The following NAALADL2 variants were observed in gnomAD, a reference collection of about 807,000 sequenced individuals.
NAALADL2 encodes inactive N-acetylated-alpha-linked acidic dipeptidase-like protein 2.
In NAALADL2, 76 loss-of-function variants were observed where a neutral mutation model predicts 87.2. The observed-to-expected ratio is 0.87, with a 90% CI of 0.72 to 1.05. The LOEUF is 1.05. NAALADL2 is among the 50% of genes least tolerant of loss of function. The pLI is 0.00. For synonymous variants in NAALADL2, 354 were observed against 331.0 expected (o/e 1.07, Z -0.75); for missense variants, 1,089 against 945.8 (o/e 1.15, Z -1.99).
At chr3:175,015,937 A>G (rs1374774481) in intron 1 of NAALADL2, among the ~76,000 whole-genome samples, 4 of 151,896 alleles carry the variant, frequency 2.6e-5, no homozygotes, top group Non-Finnish European at 2.9e-5. Context: ...GTTTGTTGAC[A>G]TAAATACCTG....
intron 3 of NAALADL2, among the ~76,000 whole-genome samples, chr3:174,846,765 A>G (rs1724667234): frequency 6.6e-6 from 1 of 152,134 alleles, no homozygotes; most frequent in African/African-American, 2.4e-5. Context: ...CAGGATAAAA[A>G]ATTTTGCTGG....
chr3:174,498,991 A>G (rs577590927), intron 1 of NAALADL2, among the ~76,000 whole-genome samples: 2 of 152,146 alleles, frequency 1.3e-5, no homozygotes, highest in African/African-American at 4.8e-5. Flanking sequence ...GAGAGAGAAT[A>G]CACTCATAGA....
intron 3 of NAALADL2, among the ~76,000 whole-genome samples, chr3:175,253,410 C>G (rs1249345926): frequency 6.6e-6 from 1 of 152,132 alleles, no homozygotes; most frequent in Non-Finnish European, 1.5e-5. Flanking sequence ...AGACCTACTG[C>G]TCTGAAAAAA....
At chr3:175,526,965 T>C (rs533693373) in intron 9 of NAALADL2, among the ~76,000 whole-genome samples, 1 of 152,336 alleles carries the variant, frequency 6.6e-6, no homozygotes, top group East Asian at 1.9e-4. Flanking sequence ...TAAAGATTTG[T>C]CATTCTTTGC....
At chr3:174,892,910 A>C (rs1204434881) in intron 1 of NAALADL2, among the ~76,000 whole-genome samples, 2 of 130,832 alleles carry the variant, frequency 1.5e-5, no homozygotes, top group Non-Finnish European at 3.1e-5. Flanking sequence ...CTAGAGAGTG[A>C]GACTCCAACT....
At chr3:175,367,653 CTCTG>C (rs1327573585) in intron 5 of NAALADL2, among the ~76,000 whole-genome samples, 3 of 151,546 alleles carry the variant, frequency 2.0e-5, no homozygotes, top group South Asian at 4.2e-4. Context: ...TGATTTGGCT[CTCTG>C]TCTGTTATTG....
chr3:175,186,480 T>C (rs182228206), intron 2 of NAALADL2, among the ~76,000 whole-genome samples: 152 of 152,290 alleles, frequency 1.0e-3, no homozygotes, highest in African/African-American at 3.5e-3. Flanking sequence ...AAATGCCCTC[T>C]TTTGTTTAAA....
chr3:175,347,783 C>T (rs901437004), intron 5 of NAALADL2, among the ~76,000 whole-genome samples: 3 of 151,968 alleles, frequency 2.0e-5, no homozygotes, highest in Non-Finnish European at 4.4e-5. Flanking sequence ...ATGTGCAGAC[C>T]TTGCAGATTT....
chr3:174,587,536 G>C (rs1381645886), intron 2 of NAALADL2, among the ~76,000 whole-genome samples: 2 of 152,092 alleles, frequency 1.3e-5, no homozygotes, highest in African/African-American at 4.8e-5. Context: ...TCCATGTTTA[G>C]TGCTTCCTTC....
intron 1 of NAALADL2, among the ~76,000 whole-genome samples, chr3:174,933,932 C>A (rs1737288582): frequency 6.6e-6 from 1 of 152,130 alleles, no homozygotes; most frequent in Non-Finnish European, 1.5e-5. Context: ...CATTACACTT[C>A]TATGGTATGT....
At chr3:174,792,719 C>T (rs1453012357) in intron 3 of NAALADL2, among the ~76,000 whole-genome samples, 1 of 152,080 alleles carries the variant, frequency 6.6e-6, no homozygotes, top group Non-Finnish European at 1.5e-5. Flanking sequence ...ATACATTCTT[C>T]TTGGAAAAAA....
intron 5 of NAALADL2, among the ~76,000 whole-genome samples, chr3:175,354,368 C>G: frequency 6.6e-6 from 1 of 151,914 alleles, no homozygotes; most frequent in South Asian, 2.1e-4. Flanking sequence ...GAAACAGGAT[C>G]AATTTATAAA....
intron 10 of NAALADL2, 44 bp downstream of exon 10, chr3:175,576,231 T>G (rs1229520316): frequency 1.9e-5 from 30 of 1,542,268 alleles, no homozygotes; most frequent in Non-Finnish European, 2.6e-5. Flanking sequence ...CACAATATAG[T>G]AGACCTGCAG....
intron 2 of NAALADL2, among the ~76,000 whole-genome samples, chr3:175,218,824 AG>A (rs1261839825): frequency 2.0e-5 from 3 of 150,948 alleles, no homozygotes; most frequent in Non-Finnish European, 4.4e-5. Context: ...TTGTTTTTTG[AG>A]ACGGAGTTTT....
chr3:175,715,675 A>G (rs1426969729), intron 11 of NAALADL2, among the ~76,000 whole-genome samples: 1 of 152,080 alleles, frequency 6.6e-6, no homozygotes, highest in Admixed American at 6.6e-5. Context: ...GAGGTGTTCG[A>G]GACCAGCCTG....
chr3:175,565,872 C>T (rs1266870521), intron 9 of NAALADL2, among the ~76,000 whole-genome samples: 5 of 133,836 alleles, frequency 3.7e-5, no homozygotes, highest in African/African-American at 1.3e-4. Context: ...CTCTGTCCCC[C>T]AGGCTGGAGT....
At chr3:175,398,842 G>A (rs934652847) in intron 5 of NAALADL2, among the ~76,000 whole-genome samples, 2 of 151,784 alleles carry the variant, frequency 1.3e-5, no homozygotes, top group African/African-American at 4.8e-5. Context: ...ACAGGATAGG[G>A]GTCCCGATCC....
At chr3:174,645,797 A>C (rs1723719994) in intron 2 of NAALADL2, among the ~76,000 whole-genome samples, 1 of 152,204 alleles carries the variant, frequency 6.6e-6, no homozygotes, top group South Asian at 2.1e-4. Flanking sequence ...GCATATATTG[A>C]AGAGAATTAC....
At chr3:174,883,489 A>G (rs1003743306) in intron 1 of NAALADL2, among the ~76,000 whole-genome samples, 2 of 152,220 alleles carry the variant, frequency 1.3e-5, no homozygotes, top group Middle Eastern at 3.2e-3. Flanking sequence ...ATACTATTAC[A>G]TAAAGCTAGC....
Sources: gnomAD v4.1 joint callset for allele counts (sites outside exome capture counted in the v4.1 genomes callset) on GRCh38, gnomAD v4.1.1 for gene constraint, MANE v1.5 for transcripts, NCBI Gene and HGNC (gene_info 2026-07-23, HGNC 2026-07-21) for gene names.